Variants in GUCY1A2 observed in about 807,000 individuals in gnomAD.
GUCY1A2 encodes the protein guanylate cyclase 1 soluble subunit alpha 2.
Under a neutral mutation model 63.5 loss-of-function variants are expected in GUCY1A2, and 27 were observed. The observed-to-expected ratio is 0.43, with a 90% CI of 0.31 to 0.59. The LOEUF is 0.59. Among genes scored for constraint, GUCY1A2 ranks in the 20% least tolerant of loss-of-function variants. The probability of loss-of-function intolerance (pLI) is 0.11; values close to 1 mark genes in which losing one functional copy is unlikely to be tolerated. For synonymous variants in GUCY1A2, 364 were observed against 343.5 expected (o/e 1.06, Z -0.66); for missense variants, 768 against 913.3 (o/e 0.84, Z 2.05).
At chr11:106,703,723 CAGTA>C (rs1277330003) in intron 7 of GUCY1A2, among the ~76,000 whole-genome samples, 2 of 151,920 alleles carry the variant, frequency 1.3e-5, no homozygotes, top group Admixed American at 6.6e-5. Flanking sequence ...TTGAAGCCAA[CAGTA>C]AGTAATTAAT....
At chr11:106,826,773 C>A in intron 4 of GUCY1A2, 1 of 1,611,218 alleles carries the variant, frequency 6.2e-7, no homozygotes, top group Non-Finnish European at 8.5e-7. Context: ...GGGTCCACAG[C>A]CTCATCTGCT....
At chr11:106,977,634 T>C (rs1373629345) in intron 3 of GUCY1A2, among the ~76,000 whole-genome samples, 6 of 152,300 alleles carry the variant, frequency 3.9e-5, no homozygotes, top group Non-Finnish European at 7.4e-5. Context: ...TGATAGACCC[T>C]TGGGTTGGGG....
At chr11:106,909,511 C>T (rs192924920) in intron 4 of GUCY1A2, among the ~76,000 whole-genome samples, 1 of 151,698 alleles carries the variant, frequency 6.6e-6, no homozygotes, top group East Asian at 1.9e-4. Context: ...TAATCACACA[C>T]CTCCCTGCTT....
rs1860724365 is a variant in GUCY1A2 at position 106,939,598 on chromosome 11, T to C, written c.1068A>G (p.Lys356=). 1 of 1,613,886 alleles carries C rather than the reference T, an allele frequency of 6.2e-7. No homozygotes were observed. The highest frequency in any genetic ancestry group is 8.5e-7 in the Non-Finnish European group (1 of 1,179,816). The change falls in exon 4 of 8, where the codon AAA becomes AAG. Residue 356 remains lysine, a synonymous_variant. Transcript: ENST00000526355. ...LRKQLRCDTH[K]VLKFEDCFEI... is the part of the protein sequence containing the mutation. ...CGAAGCAGTCCTCAAACTTGAGCAC[T>C]TTGTGAGTGTCACATCGAAGCTGCT...
chr11:106,864,557 G>T (rs1486180017), intron 4 of GUCY1A2, among the ~76,000 whole-genome samples: 6 of 152,088 alleles, frequency 3.9e-5, no homozygotes, highest in Admixed American at 1.3e-4. Flanking sequence ...CGATGGGTTT[G>T]TCATAAATAG....
chr11:107,004,177 T>G (rs1324919825), intron 1 of GUCY1A2, among the ~76,000 whole-genome samples: 2 of 152,144 alleles, frequency 1.3e-5, no homozygotes, highest in Admixed American at 6.5e-5. Flanking sequence ...ATCTAGGCAG[T>G]GAATCATGAC....
intron 6 of GUCY1A2, among the ~76,000 whole-genome samples, chr11:106,731,470 C>T (rs569359576): frequency 3.3e-5 from 5 of 151,892 alleles, no homozygotes; most frequent in South Asian, 2.1e-4. Flanking sequence ...CCTTGAAAGC[C>T]GGAACAAGAC....
At chr11:106,968,283 C>A (rs879645701) in intron 3 of GUCY1A2, among the ~76,000 whole-genome samples, 1 of 152,208 alleles carries the variant, frequency 6.6e-6, no homozygotes, top group Non-Finnish European at 1.5e-5. Flanking sequence ...TCTCGATGAT[C>A]CTACTGTACA....
At chr11:106,838,752 T>A (rs1859151127) in intron 4 of GUCY1A2, among the ~76,000 whole-genome samples, 1 of 152,060 alleles carries the variant, frequency 6.6e-6, no homozygotes, top group Non-Finnish European at 1.5e-5. Flanking sequence ...CATTTTTTCA[T>A]GTCTGTTGGC....
chr11:107,000,010 A>C (rs2120179089), intron 1 of GUCY1A2, among the ~76,000 whole-genome samples: 1 of 152,292 alleles, frequency 6.6e-6, no homozygotes, highest in African/African-American at 2.4e-5. Context: ...GTCCTTAGAA[A>C]ATCAGTAGGC....
intron 4 of GUCY1A2, among the ~76,000 whole-genome samples, chr11:106,889,041 A>G (rs1160434498): frequency 6.6e-6 from 1 of 152,242 alleles, no homozygotes; most frequent in Non-Finnish European, 1.5e-5. Flanking sequence ...GATTAAAAAA[A>G]TTACAATGCA....
intron 4 of GUCY1A2, among the ~76,000 whole-genome samples, chr11:106,925,434 A>C (rs1860508774): frequency 6.6e-6 from 1 of 152,186 alleles, no homozygotes. Flanking sequence ...TCAGTTATGA[A>C]AGGGTAAATG....
chr11:106,689,781 C>G (rs904359390), intron 7 of GUCY1A2, among the ~76,000 whole-genome samples: 1 of 152,002 alleles, frequency 6.6e-6, no homozygotes, highest in African/African-American at 2.4e-5. Context: ...ATCACGAGGT[C>G]AGGAGTTCGA....
At chr11:106,695,381 T>C (rs1437086720) in intron 7 of GUCY1A2, among the ~76,000 whole-genome samples, 1 of 152,230 alleles carries the variant, frequency 6.6e-6, no homozygotes, top group African/African-American at 2.4e-5. Context: ...TTGTTACAAA[T>C]TATTCATCTG....
chr11:106,834,555 T>C (rs117744106), intron 4 of GUCY1A2, among the ~76,000 whole-genome samples: 1,962 of 152,038 alleles, frequency 0.013, 28 homozygotes, highest in South Asian at 0.049. Flanking sequence ...CATTGTGCTA[T>C]AGGCAAAAAA....
intron 4 of GUCY1A2, among the ~76,000 whole-genome samples, chr11:106,928,595 A>G: frequency 6.6e-6 from 1 of 152,186 alleles, no homozygotes; most frequent in East Asian, 1.9e-4. Context: ...AACAAGAGAA[A>G]TACATCTCAG....
intron 1 of GUCY1A2, among the ~76,000 whole-genome samples, chr11:106,990,694 T>C (rs1861460094): frequency 6.6e-6 from 1 of 152,194 alleles, no homozygotes; most frequent in Admixed American, 6.5e-5. Context: ...CTCAGGGAGG[T>C]TAAGCAAGTG....
At chr11:106,827,954 AGAGGAAGCAGCCGC>A (rs1437801450) in intron 4 of GUCY1A2, 13 of 1,008,712 alleles carry the variant, frequency 1.3e-5, no homozygotes, top group Middle Eastern at 3.0e-4. Flanking sequence ...GGACTCCAGG[AGAGGAAGCAGCCGC>A]GAGGCGGTCA....
chr11:106,875,875 G>A (rs1239263422), intron 4 of GUCY1A2, among the ~76,000 whole-genome samples: 3 of 151,864 alleles, frequency 2.0e-5, no homozygotes, highest in Admixed American at 6.6e-5. Flanking sequence ...CCATTCTGGT[G>A]CCAGAGGAAA....
Sources: gnomAD v4.1 joint callset for allele counts (sites outside exome capture counted in the v4.1 genomes callset) on GRCh38, gnomAD v4.1.1 for gene constraint, MANE v1.5 for transcripts, NCBI Gene and HGNC (gene_info 2026-07-23, HGNC 2026-07-21) for gene names.